The following ABTB2 variants were observed in gnomAD, a reference collection of about 807,000 sequenced individuals.
ABTB2 encodes ankyrin repeat and BTB domain containing 2.
In ABTB2, 56 loss-of-function variants were observed where a neutral mutation model predicts 104.1. The observed-to-expected ratio is 0.54, with a 90% confidence interval of 0.43 to 0.67. The LOEUF (loss-of-function observed/expected upper bound fraction) is 0.67. ABTB2 is among the 30% of genes least tolerant of loss of function. The pLI, the probability that ABTB2 is intolerant of heterozygous loss-of-function variation, is 0.00. For synonymous variants in ABTB2, 606 were observed against 608.2 expected, an observed-to-expected ratio of 1.00 and a Z score of 0.05; for missense variants, 1,279 against 1,407.7, an observed-to-expected ratio of 0.91 and a Z score of 1.46.
intron 1 of ABTB2, among the ~76,000 whole-genome samples, chr11:34,337,265 G>C (rs902863693): frequency 3.3e-5 from 5 of 152,242 alleles, no homozygotes; most frequent in Non-Finnish European, 5.9e-5. Flanking sequence ...TGCAGGGGCT[G>C]TGTAGGGAAG....
chr11:34,243,149 A>C (rs759956215), intron 1 of ABTB2, among the ~76,000 whole-genome samples: 2 of 152,148 alleles, frequency 1.3e-5, no homozygotes, highest in Non-Finnish European at 2.9e-5. Context: ...TCTTAAGAAC[A>C]CTGTAGGTGG....
At chr11:34,286,013 T>C (rs1854500344) in intron 1 of ABTB2, among the ~76,000 whole-genome samples, 1 of 152,142 alleles carries the variant, frequency 6.6e-6, no homozygotes, top group Non-Finnish European at 1.5e-5. Flanking sequence ...AAAAGAGATT[T>C]ACATTGCACA....
chr11:34,292,164 A>C (rs1398321025), intron 1 of ABTB2, among the ~76,000 whole-genome samples: 1 of 152,118 alleles, frequency 6.6e-6, no homozygotes, highest in Non-Finnish European at 1.5e-5. Flanking sequence ...AGTCCCCTGG[A>C]TCCAAGGCTA....
At chr11:34,352,912 T>G (rs1288805563) in intron 1 of ABTB2, among the ~76,000 whole-genome samples, 1 of 152,044 alleles carries the variant, frequency 6.6e-6, no homozygotes, top group African/African-American at 2.4e-5. Flanking sequence ...ATTTTAAAAA[T>G]TAGCTGGGTG....
intron 3 of ABTB2, among the ~76,000 whole-genome samples, chr11:34,195,097 G>GGGGGGGGGGGGC (rs1853239321): frequency 9.1e-6 from 1 of 110,436 alleles, no homozygotes; most frequent in Non-Finnish European, 2.0e-5. Context: ...GTGGGGGCGG[G>GGGGGGGGGGGGC]AGAAAGTGCC....
In ABTB2 at chr11:34,357,584, G is replaced by A; in HGVS notation, c.-1C>T. The A allele has an allele frequency of 1.3e-6, 2 of 1,507,086 alleles. No homozygotes were observed. Among genetic ancestry groups the A allele is most frequent in the Middle Eastern group, 1.7e-4 (1 of 5,834 alleles). The allele number at this position is 1,507,086 out of a possible 1,614,324, so 93.4% of individuals were successfully genotyped here. ...GAGTCGAGCTGTACGTCCCGGCCAT[G>A]GGGAGCCTGCCGAGGGCGGCGTCGC... On this transcript the variant is annotated 5_prime_UTR_variant, in exon 1 of 17. Coordinates refer to ENST00000435224, the MANE Select transcript of ABTB2 (RefSeq NM_145804.3).
chr11:34,239,813 C>T lies in ABTB2; in HGVS notation c.884-35123G>A, dbSNP rs58678352. On this transcript the variant is annotated intron_variant, in intron 1 of 16. Coordinates refer to ENST00000435224, the MANE Select transcript of ABTB2 (RefSeq NM_145804.3). ...GGGCCAACTGCAGCTGTCACTCTGC[C>T]CCTCCCCCACCTCTTGACAAGGATC... Among the ~76,000 whole-genome samples the T allele has an allele frequency of 6.0e-3, 912 of 152,220 alleles. 5 individuals carry two copies. Among genetic ancestry groups the T allele is most frequent in the East Asian group, 0.024 (126 of 5,182 alleles).
At chr11:34,212,162 T>C (rs1853488750) in intron 1 of ABTB2, among the ~76,000 whole-genome samples, 1 of 151,972 alleles carries the variant, frequency 6.6e-6, no homozygotes, top group African/African-American at 2.4e-5. Context: ...GTTCAAGCAA[T>C]TCTCCTGCCT....
chr11:34,283,139 CGATCTCCTGACCTCGT>C (rs1214471996), intron 1 of ABTB2, among the ~76,000 whole-genome samples: 2 of 148,214 alleles, frequency 1.3e-5, no homozygotes, highest in African/African-American at 5.0e-5. Context: ...AGGACATTCT[CGATCTCCTGACCTCGT>C]GATCCGCCTG....
intron 3 of ABTB2, among the ~76,000 whole-genome samples, chr11:34,180,046 G>A (rs375295381): frequency 3.9e-5 from 6 of 152,334 alleles, no homozygotes; most frequent in African/African-American, 1.4e-4. Context: ...TCTGTTGACA[G>A]AGAAAATATA....
At chr11:34,172,715 C>T (rs1852900813) in intron 4 of ABTB2, among the ~76,000 whole-genome samples, 1 of 152,092 alleles carries the variant, frequency 6.6e-6, no homozygotes, top group South Asian at 2.1e-4. Context: ...GGCATGATTG[C>T]CTCTTCCCTG....
At chr11:34,325,950 A>AAAAAT (rs60780111) in intron 1 of ABTB2, among the ~76,000 whole-genome samples, 8,672 of 117,832 alleles carry the variant, frequency 0.074, 600 homozygotes, top group Admixed American at 0.14. Flanking sequence ...GACAGTCTCA[A>AAAAAT]AAAATAAAAT....
At chr11:34,349,895 C>G (rs1392418717) in intron 1 of ABTB2, among the ~76,000 whole-genome samples, 1 of 152,194 alleles carries the variant, frequency 6.6e-6, no homozygotes, top group East Asian at 1.9e-4. Context: ...CCCAGGGTCA[C>G]ACAGCTCCCA....
chr11:34,251,296 A>G lies in ABTB2; in HGVS notation c.884-46606T>C, dbSNP rs376765356. Among the ~76,000 whole-genome samples, 11 of 152,368 alleles carry G rather than the reference A, an allele frequency of 7.2e-5. No individual in the cohort carries two copies. In the East Asian group the frequency reaches 1.3e-3, roughly 19 times the overall value. On this transcript the variant is annotated intron_variant, in intron 1 of 16. Transcript: ENST00000435224. ...CAGCTGTGAATCATGCCTTAGTGAC[A>G]GGCAAGGAGCCTGCTCAGACAGCGC...
chr11:34,275,747 C>T (rs569270644), intron 1 of ABTB2, among the ~76,000 whole-genome samples: 1 of 152,274 alleles, frequency 6.6e-6, no homozygotes, highest in East Asian at 1.9e-4. Context: ...GTTAATTATG[C>T]ACAGAACACT....
At position 34,357,618 on chromosome 11, in the gene ABTB2, G is replaced by A. The variant is rs1855484261; in HGVS notation, c.-35C>T. 1.3e-6 allele frequency: 2 copies of A among 1,481,958 alleles called. No homozygotes were observed. Among genetic ancestry groups the A allele is most frequent in the Non-Finnish European group, 1.8e-6 (2 of 1,114,966 alleles). 91.8% of individuals were successfully genotyped at this position (1,481,958 alleles called of 1,614,324 possible). A position where few individuals can be genotyped will look rare whatever the true frequency, so the allele number is the denominator to read the frequency against. ...GCCGAGGGCGGCGTCGCCGAGCGAG[G>A]GGCACTCACAACTCCATGCCCTCTT... On this transcript the variant is annotated 5_prime_UTR_variant, in exon 1 of 17. Transcript: ENST00000435224.
At chr11:34,186,323 TC>T in intron 3 of ABTB2, among the ~76,000 whole-genome samples, 1 of 152,196 alleles carries the variant, frequency 6.6e-6, no homozygotes, top group Non-Finnish European at 1.5e-5. Flanking sequence ...AGGATAGAAA[TC>T]CCAAGAGCTG....
At chr11:34,315,633 C>T (rs1026143350) in intron 1 of ABTB2, among the ~76,000 whole-genome samples, 1 of 152,222 alleles carries the variant, frequency 6.6e-6, no homozygotes, top group Non-Finnish European at 1.5e-5. Flanking sequence ...TCATAGCTCA[C>T]CCTCGGCGCT....
chr11:34,196,651 C>A (rs981193102), intron 3 of ABTB2, among the ~76,000 whole-genome samples: 2 of 152,224 alleles, frequency 1.3e-5, no homozygotes, highest in Admixed American at 6.5e-5. Context: ...AGTATACAAC[C>A]TGCACATCTG....
Sources: allele counts gnomAD v4.1 joint callset (sites outside exome capture counted in the v4.1 genomes callset), GRCh38; gene constraint gnomAD v4.1.1; transcripts MANE v1.5; gene names NCBI Gene and HGNC (gene_info 2026-07-23, HGNC 2026-07-21).